The following MECOM variants were observed in gnomAD, a reference collection of about 807,000 sequenced individuals.
MECOM encodes the protein histone-lysine N-methyltransferase MECOM.
MECOM carries 13 observed loss-of-function variants against 116.3 expected under a neutral mutation model. The observed-to-expected ratio is 0.11, with a 90% CI of 0.07 to 0.18. The LOEUF (loss-of-function observed/expected upper bound fraction) is 0.18, where lower values mean the gene tolerates loss of function less well. MECOM is among the 10% of genes least tolerant of loss of function. The pLI is 1.00. For missense variants in MECOM, 1,299 were observed against 1,509.0 expected, an observed-to-expected ratio of 0.86 and a Z score of 2.31; for synonymous variants, 528 against 535.2, an observed-to-expected ratio of 0.99 and a Z score of 0.19.
intron 2 of MECOM, among the ~76,000 whole-genome samples, chr3:169,173,513 C>T (rs537736464): frequency 2.6e-5 from 4 of 152,292 alleles, no homozygotes; most frequent in South Asian, 2.1e-4. Context: ...ACTCTGAAAA[C>T]ATTTTGTGTT....
At chr3:169,108,540 G>C (rs1726208297) in intron 9 of MECOM, among the ~76,000 whole-genome samples, 1 of 152,070 alleles carries the variant, frequency 6.6e-6, no homozygotes, top group Non-Finnish European at 1.5e-5. Flanking sequence ...AGAGTCACTG[G>C]GAAAACCTTC....
At chr3:169,628,703 A>T (rs1419054396) in intron 1 of MECOM, among the ~76,000 whole-genome samples, 1 of 152,200 alleles carries the variant, frequency 6.6e-6, no homozygotes. Context: ...CCAGCAATGT[A>T]TCAAAGAAGT....
At chr3:169,121,896 GAA>G (rs10707001) in intron 6 of MECOM, among the ~76,000 whole-genome samples, 83 of 145,792 alleles carry the variant, frequency 5.7e-4, no homozygotes, top group African/African-American at 1.7e-3. Flanking sequence ...CCATTGGCAT[GAA>G]AAAAAAAAAG....
intron 2 of MECOM, among the ~76,000 whole-genome samples, chr3:169,261,992 T>A (rs1757624950): frequency 6.6e-6 from 1 of 152,360 alleles, no homozygotes; most frequent in African/African-American, 2.4e-5. Context: ...AAAGTGGGAC[T>A]GAGTCCTTTA....
intron 6 of MECOM, among the ~76,000 whole-genome samples, chr3:169,122,347 T>C (rs1450965878): frequency 6.6e-6 from 1 of 152,212 alleles, no homozygotes; most frequent in Admixed American, 6.5e-5. Flanking sequence ...TGACACCTAG[T>C]TCTGGAACTC....
intron 2 of MECOM, among the ~76,000 whole-genome samples, chr3:169,280,862 A>G (rs1711797995): frequency 6.6e-6 from 1 of 152,192 alleles, no homozygotes; most frequent in African/African-American, 2.4e-5. Flanking sequence ...GCAGAGAGAC[A>G]CAGATGGCTC....
At chr3:169,426,163 T>C (rs1275467310) in intron 1 of MECOM, among the ~76,000 whole-genome samples, 1 of 152,294 alleles carries the variant, frequency 6.6e-6, no homozygotes, top group South Asian at 2.1e-4. Flanking sequence ...GAAAATATAA[T>C]TTTGGCTGAG....
At chr3:169,590,894 C>T (rs1451622030) in intron 1 of MECOM, among the ~76,000 whole-genome samples, 1 of 152,166 alleles carries the variant, frequency 6.6e-6, no homozygotes, top group Non-Finnish European at 1.5e-5. Flanking sequence ...TAGAAAGCGT[C>T]CCTACCAGCA....
chr3:169,567,360 G>A (rs868817232), intron 1 of MECOM, among the ~76,000 whole-genome samples: 14 of 152,238 alleles, frequency 9.2e-5, no homozygotes, highest in South Asian at 2.1e-4. Context: ...CCCCACTCTC[G>A]TAGCTAGCAT....
In MECOM at chr3:169,089,198, C is replaced by T. The variant is rs201180557; in HGVS notation, c.3402-15G>A. The T allele has an allele frequency of 2.5e-5, 36 of 1,464,790 alleles. No homozygotes were observed. The highest frequency in any genetic ancestry group is 1.6e-4 in the Admixed American group (6 of 38,162). The allele number at this position is 1,464,790 out of a possible 1,614,324, so 90.7% of individuals were successfully genotyped here. On this transcript the variant is annotated splice_polypyrimidine_tract_variant and intron_variant, in intron 15 of 16. Transcript: ENST00000651503. ...CCTCTTTATACCTAAAATGAACCAACGAAAAACACAGAAATTTTCTTTTCA... is the reference window on the plus strand; with the variant it reads ...CCTCTTTATACCTAAAATGAACCAATGAAAAACACAGAAATTTTCTTTTCA...
chr3:169,343,250 C>T (rs2149793695), intron 2 of MECOM, among the ~76,000 whole-genome samples: 1 of 152,254 alleles, frequency 6.6e-6, no homozygotes, highest in South Asian at 2.1e-4. Flanking sequence ...CTTGAGAAGA[C>T]ACTAACTCGT....
intron 2 of MECOM, among the ~76,000 whole-genome samples, chr3:169,236,097 G>A (rs1754031619): frequency 6.6e-6 from 1 of 152,168 alleles, no homozygotes; most frequent in South Asian, 2.1e-4. Context: ...ATAGTGTACT[G>A]TGTTGCCAGA....
At chr3:169,402,980 T>TA (rs1200465670) in intron 1 of MECOM, among the ~76,000 whole-genome samples, 1 of 152,204 alleles carries the variant, frequency 6.6e-6, no homozygotes, top group Non-Finnish European at 1.5e-5. Context: ...AAATTCAACT[T>TA]ACATGTTATT....
At position 169,144,124 on chromosome 3, in the gene MECOM, T is replaced by G. The variant is rs571984116; in HGVS notation, c.376-292A>C. Reference sequence around the variant, plus strand: ...TTAGTGCTAATTTTATCCAATGTGATTTTTGCAAAAAATAATATTGAACAG... The same window carrying G: ...TTAGTGCTAATTTTATCCAATGTGAGTTTTGCAAAAAATAATATTGAACAG... On this transcript the variant is annotated intron_variant, in intron 2 of 16. Transcript: ENST00000651503. 2.6e-5 allele frequency among the ~76,000 whole-genome samples: 4 copies of G among 152,312 alleles called. No individual in the cohort carries two copies. The South Asian group carries it at 6.2e-4, about 24-fold the overall frequency.
intron 1 of MECOM, among the ~76,000 whole-genome samples, chr3:169,578,299 A>G (rs780198828): frequency 6.6e-6 from 1 of 152,230 alleles, no homozygotes; most frequent in Non-Finnish European, 1.5e-5. Flanking sequence ...GGACTTCTTC[A>G]GTGATACAAC....
Position 169,096,236 on chromosome 3 carries a change from AC to A in MECOM, c.2850-992del, listed in dbSNP as rs573665164. ...TGTTTATGATTTTGGGGGGCATGTT[AC>A]TTGAAAAAAAAAGTTAACTTTCTCC... On this transcript the variant is annotated intron_variant, in intron 12 of 16. Transcript: ENST00000651503. Among the ~76,000 whole-genome samples, 207 of 151,048 alleles carry A rather than the reference AC, an allele frequency of 1.4e-3. 2 individuals are homozygous for A. Among genetic ancestry groups the A allele is most frequent in the African/African-American group, 4.7e-3 (192 of 41,170 alleles).
chr3:169,352,005 G>T (rs377574930), intron 2 of MECOM, among the ~76,000 whole-genome samples: 2 of 151,992 alleles, frequency 1.3e-5, no homozygotes, highest in South Asian at 4.1e-4. Context: ...CTGCAACAAT[G>T]ACCTCTTATT....
At chr3:169,500,370 A>G (rs1754381767) in intron 1 of MECOM, among the ~76,000 whole-genome samples, 1 of 151,968 alleles carries the variant, frequency 6.6e-6, no homozygotes, top group African/African-American at 2.4e-5. Flanking sequence ...AGTTTCAATC[A>G]TTAATTGATT....
rs186921119 is a variant in MECOM, at chr3:169,571,668, A to G, written c.37+91668T>C. ...TATATAGACCAATGGAACAGAACAGAGGCCTCAGAAATAATACCACACATC... is the reference window on the plus strand; with the variant it reads ...TATATAGACCAATGGAACAGAACAGGGGCCTCAGAAATAATACCACACATC... On this transcript the variant is annotated intron_variant, in intron 1 of 16. Transcript: ENST00000651503. Among the ~76,000 whole-genome samples, 1,034 of 152,298 alleles carry G rather than the reference A, an allele frequency of 6.8e-3. 11 individuals carry two copies. Among genetic ancestry groups the G allele is most frequent in the African/African-American group, 0.024 (990 of 41,542 alleles).
Sources: allele counts gnomAD v4.1 joint callset (sites outside exome capture counted in the v4.1 genomes callset), GRCh38; gene constraint gnomAD v4.1.1; transcripts MANE v1.5; gene names NCBI Gene and HGNC (gene_info 2026-07-23, HGNC 2026-07-21).